The following KLHL32 variants were observed in gnomAD, a reference collection of about 807,000 sequenced individuals.
KLHL32 encodes the protein kelch like family member 32, also known as kelch-like protein 32.
Under a neutral mutation model 64.8 loss-of-function variants are expected in KLHL32, and 35 were observed. The observed-to-expected ratio is 0.54, with a 90% CI of 0.41 to 0.72. The LOEUF is 0.72. KLHL32 is among the 30% of genes least tolerant of loss of function. The probability of loss-of-function intolerance (pLI) is 0.00; values close to 1 mark genes in which losing one functional copy is unlikely to be tolerated. For synonymous variants in KLHL32, 259 were observed against 281.0 expected (o/e 0.92, Z 0.78); for missense variants, 589 against 768.5 (o/e 0.77, Z 2.76).
At chr6:97,043,305 G>A (rs542281200) in intron 4 of KLHL32, among the ~76,000 whole-genome samples, 3 of 152,258 alleles carry the variant, frequency 2.0e-5, no homozygotes, top group East Asian at 3.9e-4. Context: ...GCATATAAGT[G>A]AGATCATGAA....
the KLHL32 span, among the ~76,000 whole-genome samples, chr6:96,907,822 C>G: frequency 6.6e-6 from 1 of 152,188 alleles, no homozygotes; most frequent in Non-Finnish European, 1.5e-5. Context: ...CATCCCTGCT[C>G]CTTTGCCAGC....
At chr6:96,987,824 A>G (rs938600012) in intron 3 of KLHL32, among the ~76,000 whole-genome samples, 10 of 152,250 alleles carry the variant, frequency 6.6e-5, no homozygotes, top group Non-Finnish European at 1.5e-4. Context: ...CTGATCTTTG[A>G]CAAACCTGAC....
chr6:96,967,049 C>A lies in KLHL32; in HGVS notation c.-12C>A. 2 of 1,613,502 alleles carry A rather than the reference C, an allele frequency of 1.2e-6. No homozygotes were observed. The highest frequency in any genetic ancestry group is 2.2e-5 in the East Asian group (1 of 44,874). On this transcript the variant is annotated 5_prime_UTR_variant, in exon 2 of 11. Coordinates refer to ENST00000369261, the MANE Select transcript of KLHL32 (RefSeq NM_052904.4). ...CTTCTAAGGCTGAGAACCTGAGGAA[C>A]CCAGCTGGAAAATGCCGTCTGAACG... is the stretch of plus-strand genomic sequence containing the variant.
At chr6:97,007,477 A>G (rs1013699900) in intron 3 of KLHL32, among the ~76,000 whole-genome samples, 1 of 151,980 alleles carries the variant, frequency 6.6e-6, no homozygotes, top group Non-Finnish European at 1.5e-5. Context: ...TTTGAATTCT[A>G]TGTGTCATTT....
intron 2 of KLHL32, among the ~76,000 whole-genome samples, chr6:96,971,089 T>A (rs562311180): frequency 4.6e-5 from 7 of 152,298 alleles, no homozygotes; most frequent in South Asian, 2.1e-4. Context: ...GAAATGAGAA[T>A]CTTTATCCCA....
intron 6 of KLHL32, among the ~76,000 whole-genome samples, chr6:97,096,937 T>C (rs1795064900): frequency 6.6e-6 from 1 of 152,202 alleles, no homozygotes; most frequent in Admixed American, 6.5e-5. Flanking sequence ...GAAACAGCAC[T>C]GAGAGGTTAG....
chr6:96,954,355 T>C (rs1273447987), intron 1 of KLHL32, among the ~76,000 whole-genome samples: 1 of 151,132 alleles, frequency 6.6e-6, no homozygotes, highest in Non-Finnish European at 1.5e-5. Context: ...TCTCTTTTCT[T>C]TTCAAAATTT....
chr6:96,976,320 T>C, intron 3 of KLHL32, 143 bp downstream of exon 3: 3 of 746,262 alleles, frequency 4.0e-6, no homozygotes, highest in Non-Finnish European at 6.0e-6. Flanking sequence ...CTGGGTAGAA[T>C]GCTTCCTGGG....
intron 4 of KLHL32, among the ~76,000 whole-genome samples, chr6:97,052,151 A>G (rs1206132391): frequency 6.6e-6 from 1 of 152,214 alleles, no homozygotes; most frequent in Non-Finnish European, 1.5e-5. Flanking sequence ...AATCCTTTAT[A>G]TTTCAGTGTG....
rs1399402502 is a variant in KLHL32 at position 97,026,678 on chromosome 6, T to C, written c.205-14814T>C. Among the ~76,000 whole-genome samples, 6 of 152,166 alleles carry C rather than the reference T, an allele frequency of 3.9e-5. No homozygotes were observed. In the East Asian group the frequency reaches 1.2e-3, roughly 29 times the overall value. ...ATTTATGGTCATATACCTTCCTTTA[T>C]GTTAGATGTTGAAGAAAAAGTTATT... On this transcript the variant is annotated intron_variant, in intron 3 of 10. Coordinates refer to ENST00000369261, the MANE Select transcript of KLHL32 (RefSeq NM_052904.4).
intron 1 of KLHL32, among the ~76,000 whole-genome samples, chr6:96,950,521 C>T (rs1213208759): frequency 2.0e-5 from 3 of 151,494 alleles, no homozygotes; most frequent in Admixed American, 6.6e-5. Flanking sequence ...AACCCAGACA[C>T]TTTGCTTTAC....
intron 7 of KLHL32, among the ~76,000 whole-genome samples, chr6:97,126,151 A>G (rs1258837141): frequency 6.6e-6 from 1 of 152,142 alleles, no homozygotes; most frequent in African/African-American, 2.4e-5. Context: ...TTAATTTTAT[A>G]TCTTTATTGA....
rs183187775 is a variant in KLHL32 at position 96,935,283 on chromosome 6, C to A, written c.-66+10257C>A. Among the ~76,000 whole-genome samples the A allele has an allele frequency of 2.5e-4, 38 of 152,210 alleles. No homozygotes were observed. In the East Asian group the frequency reaches 7.3e-3, roughly 29 times the overall value. On this transcript the variant is annotated intron_variant, in intron 1 of 10. Transcript: ENST00000369261. Reference sequence around the variant, plus strand: ...CCCTGATGTTGAGTTAGGTACAAACCTGCTCAATTCCTATTGCAGGAAACT... The same window carrying A: ...CCCTGATGTTGAGTTAGGTACAAACATGCTCAATTCCTATTGCAGGAAACT...
At chr6:97,097,983 TA>T (rs1442211779) in intron 6 of KLHL32, among the ~76,000 whole-genome samples, 7 of 152,220 alleles carry the variant, frequency 4.6e-5, no homozygotes, top group Non-Finnish European at 8.8e-5. Flanking sequence ...CACAGCATCT[TA>T]CTCCTTTTAC....
chr6:97,040,770 G>A (rs1784993663), intron 3 of KLHL32, among the ~76,000 whole-genome samples: 1 of 152,148 alleles, frequency 6.6e-6, no homozygotes, highest in East Asian at 1.9e-4. Context: ...GGATCATGGG[G>A]GCGATTTCCC....
chr6:96,933,321 A>G (rs932424680), intron 1 of KLHL32, among the ~76,000 whole-genome samples: 5 of 152,064 alleles, frequency 3.3e-5, no homozygotes, highest in East Asian at 1.9e-4. Flanking sequence ...TGGGAGATTT[A>G]TATCCTGTGA....
chr6:97,008,197 G>A (rs1249254246), intron 3 of KLHL32, among the ~76,000 whole-genome samples: 2 of 152,150 alleles, frequency 1.3e-5, no homozygotes, highest in African/African-American at 2.4e-5. Flanking sequence ...AGGTTGTGGT[G>A]GGGGAAGACC....
chr6:97,040,907 A>ACCTTCG (rs1393277862), intron 3 of KLHL32, among the ~76,000 whole-genome samples: 8 of 152,100 alleles, frequency 5.3e-5, no homozygotes, highest in East Asian at 1.9e-4. Flanking sequence ...CTTCGCCTTC[A>ACCTTCG]CCTTCGCCTT....
the KLHL32 span, among the ~76,000 whole-genome samples, chr6:96,908,288 C>T: frequency 6.6e-6 from 1 of 152,212 alleles, no homozygotes; most frequent in Admixed American, 6.5e-5. Context: ...TGTTAATTAA[C>T]ATCAAGAAAT....
Sources: gnomAD v4.1 joint callset for allele counts (sites outside exome capture counted in the v4.1 genomes callset) on GRCh38, gnomAD v4.1.1 for gene constraint, MANE v1.5 for transcripts, NCBI Gene and HGNC (gene_info 2026-07-23, HGNC 2026-07-21) for gene names.